The following MED13L variants were observed in gnomAD, a reference collection of about 807,000 sequenced individuals.
The protein encoded by MED13L is mediator complex subunit 13L.
Under a neutral mutation model 220.9 loss-of-function variants are expected in MED13L, and 7 were observed. The ratio of observed to expected loss-of-function variants is 0.03; its 90% CI spans 0.02 to 0.06. The LOEUF (loss-of-function observed/expected upper bound fraction) is 0.06, where lower values mean the gene tolerates loss of function less well. Among genes scored for constraint, MED13L ranks in the 10% least tolerant of loss-of-function variants. The pLI is 1.00. For synonymous variants in MED13L, 1,011 were observed against 1,015.2 expected (o/e 1.00, Z 0.08); for missense variants, 1,965 against 2,760.5 (o/e 0.71, Z 6.46).
intron 23 of MED13L, among the ~76,000 whole-genome samples, chr12:115,979,076 C>T (rs950346610): frequency 1.3e-5 from 2 of 152,202 alleles, no homozygotes; most frequent in African/African-American, 4.8e-5. Context: ...TCGCTGCAGA[C>T]TGAGGCAGAG....
chr12:116,086,862 AT>A (rs1363381925), intron 4 of MED13L, among the ~76,000 whole-genome samples: 1 of 152,152 alleles, frequency 6.6e-6, no homozygotes, highest in African/African-American at 2.4e-5. Flanking sequence ...TAAACACCAT[AT>A]TTTCAAATTC....
At position 115,965,982 on chromosome 12, in the gene MED13L, A is replaced by AACACC. The variant is rs1309363818; in HGVS notation, c.6387+99_6387+100insGGTGT. The AACACC allele has an allele frequency of 5.6e-4, 782 of 1,405,866 alleles. 6 individuals are homozygous for AACACC. The African/African-American group carries it at 0.01, about 18-fold the overall frequency. The allele number at this position is 1,405,866 out of a possible 1,614,324, so 87.1% of individuals were successfully genotyped here. ...TAGATACAAGAGAAAAAAGGAACAG[A>AACACC]ATAAGATTATGGTGACTAAAACTGA... On this transcript the variant is annotated intron_variant, in intron 29 of 30. Transcript: ENST00000281928.
chr12:116,041,772 T>C (rs1347338509), intron 4 of MED13L, among the ~76,000 whole-genome samples: 1 of 152,114 alleles, frequency 6.6e-6, no homozygotes, highest in Admixed American at 6.5e-5. Flanking sequence ...GAGCCGGAGA[T>C]TGCAGTGAGC....
At position 115,972,149 on chromosome 12, in the gene MED13L, G is replaced by T; in HGVS notation, c.5819C>A (p.Ala1940Glu). Reference protein sequence around the residue: ...DVCRMCGISAADSPSILSACL... With the variant: ...DVCRMCGISAEDSPSILSACL... ...GGCACTAAGGATAGAAGGAGAGTCT[G>T]CGGCAGAGATTCCACACATCCGGCA... Residue 1940 changes from alanine to glutamate, a missense_variant, in exon 26 of 31, where the codon GCA becomes GAA. Around this residue, in one of 10 missense-constraint regions of MED13L, gnomAD observed 23 missense variants for 20.4 expected, o/e 1.12. Transcript: ENST00000281928. The T allele has an allele frequency of 6.2e-7, 1 of 1,614,040 alleles. No individual in the cohort carries two copies. Among genetic ancestry groups the T allele is most frequent in the East Asian group, 2.2e-5 (1 of 44,874 alleles).
chr12:116,159,398 G>A (rs1328588502), intron 2 of MED13L, among the ~76,000 whole-genome samples: 1 of 151,996 alleles, frequency 6.6e-6, no homozygotes, highest in African/African-American at 2.4e-5. Flanking sequence ...AGAAGCAGAT[G>A]GATTTGAACA....
At chr12:116,160,994 G>GT (rs1375700964) in intron 2 of MED13L, among the ~76,000 whole-genome samples, 1 of 152,040 alleles carries the variant, frequency 6.6e-6, no homozygotes, top group Non-Finnish European at 1.5e-5. Flanking sequence ...GAAAATAAAC[G>GT]TATTTCTTAT....
At chr12:116,183,084 A>AAAGC in intron 2 of MED13L, among the ~76,000 whole-genome samples, 1 of 152,372 alleles carries the variant, frequency 6.6e-6, no homozygotes, top group East Asian at 1.9e-4. Context: ...TGCTTCGAGA[A>AAAGC]AAGCTGATTT....
intron 1 of MED13L, among the ~76,000 whole-genome samples, chr12:116,247,128 T>A (rs1211428758): frequency 1.3e-5 from 2 of 152,132 alleles, no homozygotes; most frequent in African/African-American, 4.8e-5. Context: ...GGTGAGTGTT[T>A]GCTTCTAAAG....
chr12:116,227,813 A>G (rs560600347), intron 2 of MED13L, among the ~76,000 whole-genome samples: 2 of 152,368 alleles, frequency 1.3e-5, no homozygotes, highest in South Asian at 4.1e-4. Flanking sequence ...CTCTTACTTT[A>G]TATCAAAAGT....
At position 116,208,921 on chromosome 12, in the gene MED13L, T is replaced by C. The variant is rs560819397; in HGVS notation, c.310+28547A>G. 2.5e-4 allele frequency among the ~76,000 whole-genome samples: 38 copies of C among 152,138 alleles called. 1 individual carries two copies. The highest frequency in any genetic ancestry group is 9.2e-4 in the African/African-American group (38 of 41,482). On this transcript the variant is annotated intron_variant, in intron 2 of 30. Transcript: ENST00000281928. ...GAGTTTGAGGTGTCACAGTAAGCTA[T>C]GACTGTGCCACTGTACTCCAGCCTG...
At chr12:116,171,637 C>T (rs1879685969) in intron 2 of MED13L, among the ~76,000 whole-genome samples, 1 of 152,144 alleles carries the variant, frequency 6.6e-6, no homozygotes, top group Non-Finnish European at 1.5e-5. Context: ...CTAAAATGAG[C>T]ACAACACTCC....
At chr12:116,031,707 AAAGAAAAG>A (rs1566020489) in intron 4 of MED13L, among the ~76,000 whole-genome samples, 2 of 54,942 alleles carry the variant, frequency 3.6e-5, no homozygotes, top group Admixed American at 2.4e-4. Flanking sequence ...AAAGAAAAGA[AAAGAAAAG>A]AAAAGAAAAG....
chr12:116,004,636 C>T (rs566280866), intron 13 of MED13L, among the ~76,000 whole-genome samples: 4 of 152,074 alleles, frequency 2.6e-5, no homozygotes, highest in Non-Finnish European at 4.4e-5. Context: ...TCCCTGAAAG[C>T]TAATCTAGTT....
chr12:116,219,344 A>T (rs1883181559), intron 2 of MED13L, among the ~76,000 whole-genome samples: 1 of 152,234 alleles, frequency 6.6e-6, no homozygotes, highest in African/African-American at 2.4e-5. Flanking sequence ...CATACGTTAA[A>T]GGTAAAGATA....
intron 9 of MED13L, among the ~76,000 whole-genome samples, chr12:116,010,379 C>T (rs752607893): frequency 6.6e-6 from 1 of 152,080 alleles, no homozygotes; most frequent in Non-Finnish European, 1.5e-5. Flanking sequence ...GTCTTTTAGA[C>T]TTTTTTTCTC....
intron 14 of MED13L, among the ~76,000 whole-genome samples, chr12:116,002,208 T>C (rs570999141): frequency 6.6e-6 from 1 of 152,352 alleles, no homozygotes; most frequent in South Asian, 2.1e-4. Context: ...TAAAAAGCTA[T>C]GGATCCACTA....
chr12:116,206,333 T>G (rs1406783102), intron 2 of MED13L, among the ~76,000 whole-genome samples: 3 of 152,034 alleles, frequency 2.0e-5, no homozygotes, highest in African/African-American at 7.2e-5. Context: ...CACTTAGGTA[T>G]TATTATATTT....
rs562364612 is a variant in MED13L at position 116,031,255 on chromosome 12, A to G, written c.480-8654T>C. 1.4e-4 allele frequency among the ~76,000 whole-genome samples: 22 copies of G among 152,234 alleles called. No homozygotes were observed. The South Asian group carries it at 4.2e-3, about 29-fold the overall frequency. ...TGCCCTAGATATCCAAGTCAATGCA[A>G]TAAGACAAGAAAAGAAAAAAGGTGG... On this transcript the variant is annotated intron_variant, in intron 4 of 30. Coordinates refer to ENST00000281928, the MANE Select transcript of MED13L (RefSeq NM_015335.5).
chr12:116,102,468 C>T (rs150933574), intron 3 of MED13L, among the ~76,000 whole-genome samples: 148 of 152,208 alleles, frequency 9.7e-4, no homozygotes, highest in African/African-American at 3.4e-3. Flanking sequence ...TGTTAATCAT[C>T]GAGTTACAGA....
Sources: allele counts gnomAD v4.1 joint callset (sites outside exome capture counted in the v4.1 genomes callset), GRCh38; gene constraint gnomAD v4.1.1; regional missense constraint gnomAD v4.1.1; transcripts MANE v1.5; gene names NCBI Gene and HGNC (gene_info 2026-07-23, HGNC 2026-07-21).